The following AUTS2 variants were observed in gnomAD, a reference collection of about 807,000 sequenced individuals.
AUTS2 encodes activator of transcription and developmental regulator AUTS2, also known as autism susceptibility gene 2 protein.
Under a neutral mutation model 112.4 loss-of-function variants are expected in AUTS2, and 17 were observed. The observed-to-expected ratio is 0.15, with a 90% CI of 0.10 to 0.23. AUTS2 has a LOEUF of 0.23. Among genes scored for constraint, AUTS2 ranks in the 10% least tolerant of loss-of-function variants. AUTS2 has a pLI of 1.00. For missense variants in AUTS2, 1,510 were observed against 1,701.6 expected (o/e 0.89, Z 1.98); for synonymous variants, 751 against 702.7 (o/e 1.07, Z -1.09).
intron 4 of AUTS2, among the ~76,000 whole-genome samples, chr7:70,316,377 T>C (rs1789995682): frequency 1.3e-5 from 2 of 151,000 alleles, no homozygotes; most frequent in Admixed American, 1.3e-4. Flanking sequence ...CTTCCAGCCA[T>C]TGCTGATGGA....
chr7:70,432,217 G>A lies in AUTS2; in HGVS notation c.661-3535G>A, dbSNP rs533325449. Among the ~76,000 whole-genome samples the A allele has an allele frequency of 6.6e-5, 10 of 152,276 alleles. No homozygotes were observed. The South Asian group carries it at 1.0e-3, about 16-fold the overall frequency. On this transcript the variant is annotated intron_variant, in intron 4 of 18. Coordinates refer to ENST00000342771, the MANE Select transcript of AUTS2 (RefSeq NM_015570.4). ...CAAAATGCTTAAAATGGTCAAATCC[G>A]CTGGGACGCCGTCTCTGCATCTGAC...
At chr7:70,092,306 G>A (rs1000894632) in intron 2 of AUTS2, among the ~76,000 whole-genome samples, 9 of 152,090 alleles carry the variant, frequency 5.9e-5, no homozygotes, top group African/African-American at 2.2e-4. Flanking sequence ...TGGTATCAGA[G>A]GATACCAAGT....
chr7:70,458,489 T>C (rs1487486913), intron 5 of AUTS2, among the ~76,000 whole-genome samples: 1 of 152,224 alleles, frequency 6.6e-6, no homozygotes, highest in African/African-American at 2.4e-5. Flanking sequence ...AAGCTGACTC[T>C]CTTGTCTATT....
Position 69,715,404 on chromosome 7 carries a change from C to T in AUTS2, c.309+115442C>T, listed in dbSNP as rs114789191. On this transcript the variant is annotated intron_variant, in intron 1 of 18. Transcript: ENST00000342771. ...AGGCAATCAAGGACATACTTGAGGT[C>T]GGGAACAGATATTTCATAGGCCACT... Among the ~76,000 whole-genome samples, 217 of 152,138 alleles carry T rather than the reference C, an allele frequency of 1.4e-3. 1 individual carries two copies. Among genetic ancestry groups the T allele is most frequent in the African/African-American group, 5.1e-3 (213 of 41,504 alleles).
At chr7:70,262,803 T>G (rs561869456) in intron 4 of AUTS2, among the ~76,000 whole-genome samples, 2 of 152,264 alleles carry the variant, frequency 1.3e-5, no homozygotes, top group East Asian at 3.9e-4. Context: ...CTTTAATAAG[T>G]GGCCACAGTA....
intron 5 of AUTS2, among the ~76,000 whole-genome samples, chr7:70,561,557 T>C (rs541423580): frequency 7.2e-5 from 11 of 152,244 alleles, no homozygotes; most frequent in Middle Eastern, 3.4e-3. Context: ...GCCCAGGAGT[T>C]TGAGGCTGCA....
intron 5 of AUTS2, among the ~76,000 whole-genome samples, chr7:70,619,177 C>A (rs775616045): frequency 6.6e-6 from 1 of 152,196 alleles, no homozygotes; most frequent in Non-Finnish European, 1.5e-5. Context: ...GGATTCACTC[C>A]TGTCAAACAA....
At chr7:70,114,983 G>C (rs1378004869) in intron 2 of AUTS2, among the ~76,000 whole-genome samples, 2 of 152,142 alleles carry the variant, frequency 1.3e-5, no homozygotes, top group Non-Finnish European at 2.9e-5. Context: ...TGGAGGAGAA[G>C]GGGGTGGTGT....
At chr7:70,271,846 C>A (rs1219256007) in intron 4 of AUTS2, among the ~76,000 whole-genome samples, 1 of 152,172 alleles carries the variant, frequency 6.6e-6, no homozygotes, top group East Asian at 1.9e-4. Flanking sequence ...CAAATATCTG[C>A]CGCATATTGT....
intron 4 of AUTS2, among the ~76,000 whole-genome samples, chr7:70,371,836 A>G (rs1792853116): frequency 1.3e-5 from 2 of 152,172 alleles, no homozygotes; most frequent in Non-Finnish European, 2.9e-5. Flanking sequence ...TTTCTATGCA[A>G]ACCTTGACCT....
chr7:70,397,294 AC>A (rs1794130453), intron 4 of AUTS2, among the ~76,000 whole-genome samples: 1 of 152,006 alleles, frequency 6.6e-6, no homozygotes, highest in African/African-American at 2.4e-5. Flanking sequence ...CGAACTCCTG[AC>A]CTCAGGTGAT....
intron 5 of AUTS2, among the ~76,000 whole-genome samples, chr7:70,440,675 G>A (rs2130926096): frequency 6.6e-6 from 1 of 152,236 alleles, no homozygotes; most frequent in East Asian, 1.9e-4. Context: ...AAATTTTGAA[G>A]GGTTCTGAAA....
rs547284264 is a variant in AUTS2 at position 69,913,134 on chromosome 7, T to G, written c.522+13636T>G. Reference sequence around the variant, plus strand: ...TGTTTTCTCCACATTCCTGTGCCTGTGCTTTGGCTATTTTCTTTGTTTAGA... The same window carrying G: ...TGTTTTCTCCACATTCCTGTGCCTGGGCTTTGGCTATTTTCTTTGTTTAGA... On this transcript the variant is annotated intron_variant, in intron 2 of 18. Transcript: ENST00000342771. 3.2e-4 allele frequency among the ~76,000 whole-genome samples: 49 copies of G among 152,364 alleles called. 1 individual carries two copies. In the South Asian group the frequency reaches 9.9e-3, roughly 31 times the overall value.
intron 2 of AUTS2, among the ~76,000 whole-genome samples, chr7:70,044,265 A>G (rs1801401659): frequency 6.6e-6 from 1 of 152,138 alleles, no homozygotes; most frequent in Admixed American, 6.5e-5. Flanking sequence ...GCTTCCATAA[A>G]TCAAGCCCTG....
intron 4 of AUTS2, among the ~76,000 whole-genome samples, chr7:70,154,467 ATTGAAAC>A (rs1176753434): frequency 6.6e-6 from 1 of 152,208 alleles, no homozygotes; most frequent in Non-Finnish European, 1.5e-5. Context: ...GATGGTAACA[ATTGAAAC>A]TTGAATCTAG....
At chr7:69,961,098 C>T (rs1797412264) in intron 2 of AUTS2, among the ~76,000 whole-genome samples, 1 of 152,120 alleles carries the variant, frequency 6.6e-6, no homozygotes, top group Non-Finnish European at 1.5e-5. Context: ...GCTAACTCCT[C>T]AGTATGTATT....
At chr7:69,637,419 T>C (rs1583985625) in intron 1 of AUTS2, among the ~76,000 whole-genome samples, 1 of 152,222 alleles carries the variant, frequency 6.6e-6, no homozygotes, top group South Asian at 2.1e-4. Flanking sequence ...TAAATCCTGA[T>C]CAGTGATTTT....
intron 4 of AUTS2, among the ~76,000 whole-genome samples, chr7:70,226,360 ATTTT>A (rs34184657): frequency 2.2e-5 from 3 of 136,408 alleles, no homozygotes; most frequent in Non-Finnish European, 3.1e-5. Context: ...TGCCCGGCTA[ATTTT>A]TTTTTTTTTT....
intron 4 of AUTS2, among the ~76,000 whole-genome samples, chr7:70,418,147 C>T (rs1428103682): frequency 6.6e-6 from 1 of 150,764 alleles, no homozygotes; most frequent in Non-Finnish European, 1.5e-5. Flanking sequence ...CATGTTGCCC[C>T]AGCTGATCTT....
Sources: gnomAD v4.1 joint callset for allele counts (sites outside exome capture counted in the v4.1 genomes callset) on GRCh38, gnomAD v4.1.1 for gene constraint, MANE v1.5 for transcripts, NCBI Gene and HGNC (gene_info 2026-07-23, HGNC 2026-07-21) for gene names.